The following GPC4 variants were observed in gnomAD, a reference collection of about 807,000 sequenced individuals.
The protein encoded by GPC4 is glypican-4.
Under a neutral mutation model 35.0 loss-of-function variants are expected in GPC4, and 10 were observed. The ratio of observed to expected loss-of-function variants is 0.29; its 90% CI spans 0.18 to 0.48. GPC4 has a LOEUF of 0.48. Among genes scored for constraint, GPC4 ranks in the 20% least tolerant of loss-of-function variants. The pLI, the probability that GPC4 is intolerant of heterozygous loss-of-function variation, is 0.99. For missense variants in GPC4, 322 were observed against 451.3 expected, an observed-to-expected ratio of 0.71 and a Z score of 2.60; for synonymous variants, 167 against 170.2, an observed-to-expected ratio of 0.98 and a Z score of 0.15.
At chrX:133,364,477 T>G (rs909138650) in intron 1 of GPC4, among the ~76,000 whole-genome samples, 16 of 111,874 alleles carry the variant, frequency 1.4e-4, no homozygotes, top group Non-Finnish European at 3.0e-4. Context: ...GAAACAACAA[T>G]AGCATTTAAA....
At chrX:133,394,675 C>T (rs1186496414) in intron 1 of GPC4, among the ~76,000 whole-genome samples, 2 of 111,418 alleles carry the variant, frequency 1.8e-5, no homozygotes, top group African/African-American at 3.3e-5. Flanking sequence ...GGTAGCTACT[C>T]ATCAGGAGAA....
intron 1 of GPC4, among the ~76,000 whole-genome samples, chrX:133,382,147 G>A (rs2068663030): frequency 1.8e-5 from 2 of 111,995 alleles, no homozygotes; most frequent in African/African-American, 6.5e-5. Flanking sequence ...GCAAAAGGTG[G>A]GTCGGGTGCG....
intron 1 of GPC4, among the ~76,000 whole-genome samples, chrX:133,403,451 T>A (rs2124182645): frequency 9.0e-6 from 1 of 111,547 alleles, no homozygotes; most frequent in African/African-American, 3.3e-5. Flanking sequence ...ATCACATTCA[T>A]GAGGGTTTAC....
chrX:133,313,606 G>A (rs976265019), intron 3 of GPC4, among the ~76,000 whole-genome samples: 4 of 111,615 alleles, frequency 3.6e-5, no homozygotes, highest in African/African-American at 1.3e-4. Context: ...GAGGGGGGAG[G>A]TGGCCTGAGA....
At position 133,414,559 on chromosome X, in the gene GPC4, T is replaced by C. The variant is rs1356964749; in HGVS notation, c.160+247A>G. ...GGGGAGCGGAGCGCGACAGTCGCAC[T>C]GGGCAACCCGGCGGCGCCCCTCCGC... On this transcript the variant is annotated intron_variant, in intron 1 of 8. Transcript: ENST00000370828. 22 of 751,764 alleles carry C rather than the reference T, an allele frequency of 2.9e-5. No homozygotes were observed. The Admixed American group carries it at 1.8e-3, about 63-fold the overall frequency. The allele number at this position is 751,764 out of a possible 1,213,427, so 62.0% of individuals were successfully genotyped here. A position where few individuals can be genotyped will look rare whatever the true frequency, so the allele number is the denominator to read the frequency against.
intron 1 of GPC4, among the ~76,000 whole-genome samples, chrX:133,389,334 A>G (rs7052355): frequency 0.056 from 6,264 of 111,432 alleles, 442 homozygotes; most frequent in African/African-American, 0.19. Flanking sequence ...TATATCCCTA[A>G]TAACTGACAC....
intron 1 of GPC4, among the ~76,000 whole-genome samples, chrX:133,353,883 C>T (rs1165360501): frequency 9.0e-6 from 1 of 111,435 alleles, no homozygotes; most frequent in Non-Finnish European, 1.9e-5. Context: ...CACAGGGACA[C>T]GTTTTTCTCC....
chrX:133,349,827 C>T (rs2068509188), intron 1 of GPC4, among the ~76,000 whole-genome samples: 1 of 111,419 alleles, frequency 9.0e-6, no homozygotes, highest in Non-Finnish European at 1.9e-5. Flanking sequence ...CACTACATTG[C>T]CCAGGCTGGT....
intron 1 of GPC4, among the ~76,000 whole-genome samples, chrX:133,388,486 C>A (rs201217857): frequency 9.0e-6 from 1 of 111,443 alleles, no homozygotes; most frequent in Non-Finnish European, 1.9e-5. Context: ...TAATGCCTGA[C>A]GGCTTCAAGG....
intron 1 of GPC4, among the ~76,000 whole-genome samples, chrX:133,353,661 G>C (rs1272390088): frequency 4.5e-5 from 5 of 111,714 alleles, no homozygotes; most frequent in Non-Finnish European, 9.4e-5. Flanking sequence ...ACAAACATGG[G>C]GGATGGGGAA....
At chrX:133,333,163 A>G (rs2068428632) in intron 2 of GPC4, among the ~76,000 whole-genome samples, 1 of 112,581 alleles carries the variant, frequency 8.9e-6, no homozygotes, top group East Asian at 2.8e-4. Flanking sequence ...TTGCCTGGAC[A>G]GACAGACACA....
intron 1 of GPC4, among the ~76,000 whole-genome samples, chrX:133,352,521 G>GAAA (rs936684837): frequency 2.2e-5 from 2 of 91,262 alleles, no homozygotes; most frequent in Non-Finnish European, 4.4e-5. Flanking sequence ...CTCCTTTTAA[G>GAAA]AAAAAAAAAA....
chrX:133,336,998 T>C (rs777428562), intron 2 of GPC4, among the ~76,000 whole-genome samples: 26 of 110,611 alleles, frequency 2.4e-4, no homozygotes, highest in African/African-American at 6.6e-4. Flanking sequence ...TTCATATTTT[T>C]AGTAGAGACA....
chrX:133,324,251 T>C lies in GPC4; in HGVS notation c.605A>G (p.Asp202Gly). The C allele has an allele frequency of 3.3e-6, 4 of 1,211,449 alleles. No homozygotes were observed. Among genetic ancestry groups the C allele is most frequent in the Non-Finnish European group, 4.5e-6 (4 of 895,453 alleles). Reference protein sequence around the residue: ...KYTEQLKPFGDVPRKLKLQVT... With the variant: ...KYTEQLKPFGGVPRKLKLQVT... ...CTGGAGCTTCAATTTGCGAGGGACA[T>C]CTCCGAAGGGCTTCAGCTGCTCCGT... The change falls in exon 3 of 9, where the codon GAT (aspartate) becomes GGT (glycine). Residue 202 changes from aspartate to glycine, a missense_variant. By Grantham distance (94) the Asp-to-Gly change is moderately conservative. Transcript: ENST00000370828.
At chrX:133,333,231 T>C (rs772644995) in intron 2 of GPC4, among the ~76,000 whole-genome samples, 1 of 112,451 alleles carries the variant, frequency 8.9e-6, no homozygotes, top group Admixed American at 9.4e-5. Flanking sequence ...CAAAGAGCAA[T>C]GAACCAACAG....
At position 133,324,168 on chromosome X, in the gene GPC4, C is replaced by T; in HGVS notation, c.688G>A (p.Asp230Asn). Residue 230 changes from aspartate to asparagine, a missense_variant, in exon 3 of 9, where the codon GAT becomes AAT. Transcript: ENST00000370828. ...TFAQGLAVAG[D>N]VVSKVSVVNP... is the part of the protein sequence containing the mutation. Reference sequence around the variant, plus strand: ...ACCACGGAGACCTTGCTCACGACATCTCCCGCAACCGCTAAGCCTTGAGCG... The same window carrying T: ...ACCACGGAGACCTTGCTCACGACATTTCCCGCAACCGCTAAGCCTTGAGCG... The T allele has an allele frequency of 8.3e-7, 1 of 1,205,817 alleles. No individual in the cohort carries two copies. Among genetic ancestry groups the T allele is most frequent in the Non-Finnish European group, 1.1e-6 (1 of 892,976 alleles).
intron 4 of GPC4, among the ~76,000 whole-genome samples, chrX:133,310,323 A>T (rs1270776733): frequency 3.6e-5 from 4 of 111,937 alleles, no homozygotes; most frequent in African/African-American, 1.3e-4. Context: ...TCTTTTTGTG[A>T]GCTGTTAGTA....
intron 2 of GPC4, among the ~76,000 whole-genome samples, chrX:133,335,458 TACACACACAC>T (rs927774738): frequency 9.1e-6 from 1 of 109,499 alleles, no homozygotes; most frequent in South Asian, 3.9e-4. Flanking sequence ...CACACACACA[TACACACACAC>T]ACACGCACAC....
At chrX:133,361,250 A>G (rs1323333687) in intron 1 of GPC4, among the ~76,000 whole-genome samples, 2 of 111,550 alleles carry the variant, frequency 1.8e-5, no homozygotes, top group Non-Finnish European at 3.8e-5. Flanking sequence ...AAGAACATTC[A>G]TTTTTCTTCT....
Sources: gnomAD v4.1 joint callset for allele counts (sites outside exome capture counted in the v4.1 genomes callset) on GRCh38, gnomAD v4.1.1 for gene constraint, MANE v1.5 for transcripts, NCBI Gene and HGNC (gene_info 2026-07-23, HGNC 2026-07-21) for gene names.